Variants in MTX2 observed in about 807,000 individuals in gnomAD.
The protein encoded by MTX2 is metaxin 2.
A neutral mutation model predicts 42.3 loss-of-function variants in MTX2; 35 were observed. The ratio of observed to expected loss-of-function variants is 0.83; its 90% CI spans 0.63 to 1.10. The LOEUF (loss-of-function observed/expected upper bound fraction) is 1.10. Among genes scored for constraint, MTX2 ranks in the 50% least tolerant of loss-of-function variants. The pLI is 0.00. For missense variants in MTX2, 307 were observed against 304.1 expected, an observed-to-expected ratio of 1.01 and a Z score of -0.07; for synonymous variants, 119 against 100.9, an observed-to-expected ratio of 1.18 and a Z score of -1.08.
chr2:176,278,155 A>G (rs1047996248), intron 1 of MTX2, among the ~76,000 whole-genome samples: 1 of 137,846 alleles, frequency 7.3e-6, no homozygotes, highest in Non-Finnish European at 1.5e-5. Context: ...GGTTCAAGTG[A>G]TTCTCCTGCC....
At chr2:176,285,858 C>T (rs879791166) in intron 1 of MTX2, among the ~76,000 whole-genome samples, 1 of 151,946 alleles carries the variant, frequency 6.6e-6, no homozygotes, top group Admixed American at 6.6e-5. Flanking sequence ...GTATATAAGT[C>T]TTTATTTGGA....
intron 3 of MTX2, among the ~76,000 whole-genome samples, chr2:176,313,286 G>A (rs1209096438): frequency 6.6e-6 from 1 of 151,430 alleles, no homozygotes; most frequent in African/African-American, 2.4e-5. Context: ...AAGCTTCTGA[G>A]ATAAAGGTAC....
At chr2:176,294,179 C>G (rs1253388127) in intron 1 of MTX2, among the ~76,000 whole-genome samples, 1 of 150,504 alleles carries the variant, frequency 6.6e-6, no homozygotes, top group Non-Finnish European at 1.5e-5. Context: ...CTTCTTTAGT[C>G]TTATTTGCAG....
intron 1 of MTX2, among the ~76,000 whole-genome samples, chr2:176,295,680 T>G: frequency 6.6e-6 from 1 of 152,100 alleles, no homozygotes; most frequent in Admixed American, 6.5e-5. Flanking sequence ...GTAATAATAC[T>G]GTGTTTTTCT....
chr2:176,295,177 ATTC>A (rs1195101571), intron 1 of MTX2, among the ~76,000 whole-genome samples: 4 of 152,150 alleles, frequency 2.6e-5, no homozygotes, highest in African/African-American at 9.6e-5. Context: ...TTCAATATTT[ATTC>A]TTTGAAATTT....
At chr2:176,295,349 G>C (rs1267493912) in intron 1 of MTX2, among the ~76,000 whole-genome samples, 2 of 152,030 alleles carry the variant, frequency 1.3e-5, no homozygotes, top group African/African-American at 4.8e-5. Context: ...ATCCTAAAAG[G>C]TTATTTTTTG....
intron 1 of MTX2, among the ~76,000 whole-genome samples, chr2:176,288,236 C>A (rs1693251225): frequency 6.6e-6 from 1 of 151,694 alleles, no homozygotes; most frequent in Non-Finnish European, 1.5e-5. Flanking sequence ...TGATAAAGTC[C>A]CATATCATCA....
intron 9 of MTX2, among the ~76,000 whole-genome samples, chr2:176,336,666 G>A (rs1684993550): frequency 6.6e-6 from 1 of 152,054 alleles, no homozygotes; most frequent in Non-Finnish European, 1.5e-5. Flanking sequence ...AAATGAATAT[G>A]ATCATTACAT....
chr2:176,317,536 T>C (rs892971114), intron 3 of MTX2, among the ~76,000 whole-genome samples: 6 of 152,148 alleles, frequency 3.9e-5, no homozygotes, highest in Non-Finnish European at 8.8e-5. Context: ...TGAGGGACTT[T>C]TTGACATGTG....
chr2:176,289,361 TA>T (rs918735344), intron 1 of MTX2, among the ~76,000 whole-genome samples: 10 of 151,864 alleles, frequency 6.6e-5, no homozygotes, highest in South Asian at 2.1e-4. Flanking sequence ...TTCATTTGCA[TA>T]AAAAAAACTC....
At chr2:176,328,209 G>C (rs994024529) in intron 5 of MTX2, 84 bp from the exon 6 acceptor site, 1 of 776,246 alleles carries the variant, frequency 1.3e-6, no homozygotes, top group Non-Finnish European at 2.0e-6. Flanking sequence ...ATAGTTGCAT[G>C]TTACGTTATT....
chr2:176,330,019 GC>G (rs1395613759), intron 8 of MTX2, among the ~76,000 whole-genome samples: 1 of 150,840 alleles, frequency 6.6e-6, no homozygotes, highest in Non-Finnish European at 1.5e-5. Flanking sequence ...CTTTTCCAAG[GC>G]TACCCTTAAT....
chr2:176,328,842 C>T, intron 6 of MTX2, 32 bp from the exon 7 acceptor site: 1 of 1,591,458 alleles, frequency 6.3e-7, no homozygotes, highest in Non-Finnish European at 8.6e-7. Flanking sequence ...CTTTGGTATT[C>T]TAAAGTTTAG....
chr2:176,335,230 G>A (rs968755840), intron 9 of MTX2, among the ~76,000 whole-genome samples: 18 of 152,128 alleles, frequency 1.2e-4, no homozygotes, highest in Admixed American at 5.3e-4. Context: ...TTAGGCAGCA[G>A]GAATAGTTAT....
At chr2:176,326,422 A>C (rs979166655) in intron 4 of MTX2, among the ~76,000 whole-genome samples, 2 of 151,738 alleles carry the variant, frequency 1.3e-5, no homozygotes, top group African/African-American at 4.8e-5. Context: ...ATATAGATTG[A>C]TTCACTGTAC....
intron 3 of MTX2, among the ~76,000 whole-genome samples, chr2:176,310,107 A>T (rs1684264839): frequency 6.6e-6 from 1 of 152,094 alleles, no homozygotes; most frequent in African/African-American, 2.4e-5. Context: ...CCTGGTGGTG[A>T]CAAACTCTCT....
chr2:176,306,351 G>A (rs1180069957), intron 3 of MTX2, among the ~76,000 whole-genome samples: 1 of 152,160 alleles, frequency 6.6e-6, no homozygotes, highest in Non-Finnish European at 1.5e-5. Flanking sequence ...TTACTATTGT[G>A]AATAGTGCTG....
chr2:176,318,594 T>C (rs1183766379), intron 3 of MTX2, among the ~76,000 whole-genome samples: 2 of 152,178 alleles, frequency 1.3e-5, no homozygotes, highest in Non-Finnish European at 2.9e-5. Flanking sequence ...ATCTTTATAT[T>C]CTCTCAGAAA....
intron 5 of MTX2, among the ~76,000 whole-genome samples, chr2:176,327,754 A>G (rs1418439577): frequency 2.0e-5 from 3 of 150,804 alleles, no homozygotes. Context: ...GTACCTTAGG[A>G]TAAATTCCTG....
Sources: gnomAD v4.1 joint callset for allele counts (sites outside exome capture counted in the v4.1 genomes callset) on GRCh38, gnomAD v4.1.1 for gene constraint, MANE v1.5 for transcripts, NCBI Gene and HGNC (gene_info 2026-07-23, HGNC 2026-07-21) for gene names.